ADAMTS6: variants seen among roughly 807,000 people sequenced by gnomAD.
The protein encoded by ADAMTS6 is A disintegrin and metalloproteinase with thrombospondin motifs 6.
Under a neutral mutation model 144.3 loss-of-function variants are expected in ADAMTS6, and 23 were observed. The ratio of observed to expected loss-of-function variants is 0.16; its 90% confidence interval spans 0.11 to 0.23. The LOEUF is 0.23. ADAMTS6 is among the 10% of genes least tolerant of loss of function. The pLI is 1.00. For missense variants in ADAMTS6, 999 were observed against 1,379.6 expected, an observed-to-expected ratio of 0.72 and a Z score of 4.37; for synonymous variants, 444 against 457.5, an observed-to-expected ratio of 0.97 and a Z score of 0.38.
At chr5:65,176,169 T>G (rs1438119884) in intron 22 of ADAMTS6, among the ~76,000 whole-genome samples, 1 of 152,150 alleles carries the variant, frequency 6.6e-6, no homozygotes, top group Non-Finnish European at 1.5e-5. Flanking sequence ...ATATGGGAAG[T>G]TCTTGTCCTG....
At chr5:65,386,229 T>C (rs1350835288) in intron 7 of ADAMTS6, among the ~76,000 whole-genome samples, 1 of 152,328 alleles carries the variant, frequency 6.6e-6, no homozygotes, top group East Asian at 1.9e-4. Flanking sequence ...TTTTCTTTTT[T>C]TAAAAAATGT....
At chr5:65,276,618 A>C (rs961612621) in intron 11 of ADAMTS6, among the ~76,000 whole-genome samples, 2 of 152,216 alleles carry the variant, frequency 1.3e-5, no homozygotes, top group Non-Finnish European at 2.9e-5. Flanking sequence ...TCTTTCTCTA[A>C]ACTGCTAAAT....
intron 1 of ADAMTS6, among the ~76,000 whole-genome samples, chr5:65,479,810 A>C (rs1485321080): frequency 6.6e-6 from 1 of 152,218 alleles, no homozygotes; most frequent in East Asian, 1.9e-4. Flanking sequence ...CAGTATTTTC[A>C]GTCTTCAGGC....
intron 15 of ADAMTS6, among the ~76,000 whole-genome samples, chr5:65,239,425 T>C (rs1758977233): frequency 6.6e-6 from 1 of 152,154 alleles, no homozygotes; most frequent in African/African-American, 2.4e-5. Flanking sequence ...AGATCATAGA[T>C]GTAAATGTAA....
intron 12 of ADAMTS6, among the ~76,000 whole-genome samples, chr5:65,263,205 C>T (rs987671384): frequency 6.6e-6 from 1 of 152,126 alleles, no homozygotes; most frequent in African/African-American, 2.4e-5. Flanking sequence ...AAAAAAGTCA[C>T]ATTGCTTCTT....
At chr5:65,459,725 G>A (rs562384001) in intron 4 of ADAMTS6, among the ~76,000 whole-genome samples, 8 of 152,054 alleles carry the variant, frequency 5.3e-5, no homozygotes, top group African/African-American at 1.7e-4. Context: ...TTTGTTGCCC[G>A]TACTACATAT....
At chr5:65,376,448 C>G (rs1184668987) in intron 7 of ADAMTS6, among the ~76,000 whole-genome samples, 2 of 150,300 alleles carry the variant, frequency 1.3e-5, no homozygotes, top group Non-Finnish European at 3.0e-5. Flanking sequence ...GAGACTCCAT[C>G]TCAAAAAAAA....
At chr5:65,469,085 G>C (rs1486959269) in intron 3 of ADAMTS6, among the ~76,000 whole-genome samples, 2 of 152,054 alleles carry the variant, frequency 1.3e-5, no homozygotes, top group East Asian at 3.8e-4. Context: ...TATCTCACAA[G>C]TTCAATTCTA....
At chr5:65,233,566 A>G (rs1758427700) in intron 15 of ADAMTS6, among the ~76,000 whole-genome samples, 1 of 152,104 alleles carries the variant, frequency 6.6e-6, no homozygotes, top group Non-Finnish European at 1.5e-5. Flanking sequence ...AGAAATTAAG[A>G]AAACAATCTT....
chr5:65,197,254 G>A, intron 20 of ADAMTS6, 103 bp from the exon 21 acceptor site: 2 of 1,214,142 alleles, frequency 1.6e-6, no homozygotes, highest in Non-Finnish European at 2.3e-6. Context: ...CTGGATCGCT[G>A]CCGTCTTATC....
intron 7 of ADAMTS6, among the ~76,000 whole-genome samples, chr5:65,349,968 A>G (rs1561452359): frequency 2.6e-5 from 4 of 152,182 alleles, no homozygotes; most frequent in East Asian, 1.9e-4. Flanking sequence ...CATTACTTCT[A>G]TGAAATCAAC....
At chr5:65,326,872 C>G (rs1301112560) in intron 9 of ADAMTS6, among the ~76,000 whole-genome samples, 1 of 152,146 alleles carries the variant, frequency 6.6e-6, no homozygotes, top group Non-Finnish European at 1.5e-5. Context: ...GTAAAGGGAT[C>G]TTCACATATG....
intron 9 of ADAMTS6, among the ~76,000 whole-genome samples, chr5:65,325,430 A>G (rs1007976215): frequency 3.3e-5 from 5 of 152,124 alleles, no homozygotes; most frequent in African/African-American, 1.2e-4. Flanking sequence ...TACGGTTGAG[A>G]CAAGATACTG....
At chr5:65,399,221 A>G (rs780534595) in intron 7 of ADAMTS6, among the ~76,000 whole-genome samples, 12 of 152,206 alleles carry the variant, frequency 7.9e-5, no homozygotes, top group Non-Finnish European at 8.8e-5. Context: ...GCACCACTGC[A>G]CTCCAGCCTG....
At chr5:65,269,774 G>A (rs1761912245) in intron 12 of ADAMTS6, among the ~76,000 whole-genome samples, 1 of 151,362 alleles carries the variant, frequency 6.6e-6, no homozygotes, top group East Asian at 1.9e-4. Flanking sequence ...AACATGTGAT[G>A]GGCATAGTGT....
At chr5:65,319,994 C>T (rs997837697) in intron 9 of ADAMTS6, among the ~76,000 whole-genome samples, 2 of 152,026 alleles carry the variant, frequency 1.3e-5, no homozygotes, top group Non-Finnish European at 2.9e-5. Flanking sequence ...CAGGCATGTG[C>T]CACCACACCT....
At chr5:65,335,008 G>A (rs188000610) in intron 7 of ADAMTS6, among the ~76,000 whole-genome samples, 2 of 152,058 alleles carry the variant, frequency 1.3e-5, no homozygotes, top group African/African-American at 4.8e-5. Flanking sequence ...ACAAACTACA[G>A]GGAAATTCAA....
At chr5:65,162,843 T>C (rs910662035) in intron 24 of ADAMTS6, among the ~76,000 whole-genome samples, 6 of 152,210 alleles carry the variant, frequency 3.9e-5, no homozygotes, top group Non-Finnish European at 7.3e-5. Flanking sequence ...GATCTATTGC[T>C]AACTTACAAT....
At chr5:65,235,745 G>A (rs946521419) in intron 15 of ADAMTS6, among the ~76,000 whole-genome samples, 5 of 152,110 alleles carry the variant, frequency 3.3e-5, no homozygotes, top group Non-Finnish European at 7.4e-5. Flanking sequence ...GGGACCTTGT[G>A]ATCGTGTGAA....
Sources: gnomAD v4.1 joint callset for allele counts (sites outside exome capture counted in the v4.1 genomes callset) on GRCh38, gnomAD v4.1.1 for gene constraint, MANE v1.5 for transcripts, NCBI Gene and HGNC (gene_info 2026-07-23, HGNC 2026-07-21) for gene names.